The following MED13 variants were observed in gnomAD, a reference collection of about 807,000 sequenced individuals.
MED13 encodes mediator of RNA polymerase II transcription subunit 13.
In MED13, 23 loss-of-function variants were observed where a neutral mutation model predicts 225.2. The ratio of observed to expected loss-of-function variants is 0.10; its 90% confidence interval spans 0.07 to 0.14. The LOEUF (loss-of-function observed/expected upper bound fraction) is 0.14. MED13 is among the 10% of genes least tolerant of loss of function. MED13 has a pLI of 1.00. For missense variants in MED13, 2,197 were observed against 2,594.5 expected (o/e 0.85, Z 3.33); for synonymous variants, 942 against 889.2 (o/e 1.06, Z -1.06).
chr17:61,955,895 A>G, intron 24 of MED13, 57 bp from the exon 25 acceptor site: 1 of 1,444,438 alleles, frequency 6.9e-7, no homozygotes, highest in Admixed American at 2.9e-5. Flanking sequence ...AAGTAACAGC[A>G]TTATTAATAT....
At chr17:62,033,444 T>A (rs137929335) in intron 5 of MED13, among the ~76,000 whole-genome samples, 1 of 152,316 alleles carries the variant, frequency 6.6e-6, no homozygotes, top group Admixed American at 6.5e-5. Flanking sequence ...TTTAACTAGC[T>A]TTGTCTAATG....
rs187854356 is a variant in MED13, at chr17:61,983,211, T to C, written c.2889-97A>G. The C allele has an allele frequency of 6.8e-5, 68 of 1,002,324 alleles. No homozygotes were observed. In the East Asian group the frequency reaches 1.4e-3, roughly 21 times the overall value. 62.1% of individuals were successfully genotyped at this position (1,002,324 alleles called of 1,614,324 possible). On this transcript the variant is annotated intron_variant, in intron 15 of 29. Transcript: ENST00000397786. ...AAAAACGTCCCAAATGTTTTTCAAT[T>C]ACATAGAAAATTATGAAAGGACAAG...
At position 61,955,842 on chromosome 17, in the gene MED13, T is replaced by A. The variant is rs1603390918; in HGVS notation, c.5624-4A>T. 4 of 1,436,148 alleles carry A rather than the reference T, an allele frequency of 2.8e-6. No homozygotes were observed. The highest frequency in any genetic ancestry group is 3.7e-6 in the Non-Finnish European group (4 of 1,091,626). 89.0% of individuals were successfully genotyped at this position (1,436,148 alleles called of 1,614,324 possible). On this transcript the variant is annotated splice_region_variant and splice_polypyrimidine_tract_variant and intron_variant, in intron 24 of 29. Coordinates refer to ENST00000397786, the MANE Select transcript of MED13 (RefSeq NM_005121.3). ...CGACTCAGCAAACAGCTCCAATCTG[T>A]GGGTATCAACAGTAAAAAAAAAAAA...
At position 61,965,167 on chromosome 17, in the gene MED13, A is replaced by C; in HGVS notation, c.4683T>G (p.Phe1561Leu). The change falls in exon 20 of 30, where the codon TTT becomes TTG. Residue 1561 changes from phenylalanine to leucine, a missense_variant. Coordinates refer to ENST00000397786, the MANE Select transcript of MED13 (RefSeq NM_005121.3). ...SSNKLPSFPPFGSMNSNAAGS... is the reference protein window; with the variant it reads ...SSNKLPSFPPLGSMNSNAAGS... ...CTGCAGCATTACTGTTCATACTGCC[A>C]AAGGGTGGAAACGAAGGTAGTTTAT... 1 of 1,614,172 alleles carries C rather than the reference A, an allele frequency of 6.2e-7. No individual in the cohort carries two copies. Among genetic ancestry groups the C allele is most frequent in the Non-Finnish European group, 8.5e-7 (1 of 1,180,024 alleles).
At chr17:61,989,243 C>T (rs1427354869) in intron 11 of MED13, among the ~76,000 whole-genome samples, 1 of 152,110 alleles carries the variant, frequency 6.6e-6, no homozygotes, top group Non-Finnish European at 1.5e-5. Flanking sequence ...ATCTCCTGAC[C>T]TCATGATCCA....
intron 3 of MED13, among the ~76,000 whole-genome samples, chr17:62,052,286 T>C (rs1316118685): frequency 1.3e-5 from 2 of 151,796 alleles, no homozygotes; most frequent in Admixed American, 1.3e-4. Context: ...AAGTCTATCA[T>C]CACAAATCAA....
At chr17:61,964,967 T>G in intron 20 of MED13, 39 bp downstream of exon 20, 6 of 1,557,858 alleles carry the variant, frequency 3.9e-6, no homozygotes, top group Non-Finnish European at 5.2e-6. Context: ...AGCATCATAG[T>G]TTTTATATTT....
chr17:61,963,253 T>C (rs917325204), intron 20 of MED13, among the ~76,000 whole-genome samples: 2 of 107,784 alleles, frequency 1.9e-5, no homozygotes, highest in Admixed American at 1.6e-4. Context: ...AAAAAATTCT[T>C]AAAACCATAG....
chr17:62,002,806 G>T (rs1366831297), intron 9 of MED13, among the ~76,000 whole-genome samples: 1 of 152,196 alleles, frequency 6.6e-6, no homozygotes, highest in African/African-American at 2.4e-5. Flanking sequence ...CCCCAATGAA[G>T]TCAATCAGTA....
intron 3 of MED13, among the ~76,000 whole-genome samples, chr17:62,045,706 C>T (rs1422432661): frequency 6.6e-6 from 1 of 152,154 alleles, no homozygotes; most frequent in African/African-American, 2.4e-5. Flanking sequence ...ATCCAGTCCC[C>T]AGCAATGTAG....
In MED13 at chr17:61,943,430, C is replaced by T. The variant is rs536823470; in HGVS notation, c.*3038G>A. ...AGATCTGCAAATCTTTGTAGTAACA[C>T]ATTAAGTTAAAAAATTACCTCAGAA... On this transcript the variant is annotated 3_prime_UTR_variant, in exon 30 of 30. Transcript: ENST00000397786. 6 of 152,606 alleles carry T rather than the reference C, an allele frequency of 3.9e-5. No homozygotes were observed. In the East Asian group the frequency reaches 9.6e-4, roughly 25 times the overall value. 9.5% of individuals were successfully genotyped at this position (152,606 alleles called of 1,614,324 possible).
intron 16 of MED13, among the ~76,000 whole-genome samples, chr17:61,975,619 TG>T (rs1482115011): frequency 2.0e-5 from 3 of 152,192 alleles, no homozygotes; most frequent in Non-Finnish European, 4.4e-5. Flanking sequence ...TCAGGGAGGC[TG>T]AGGCACAAGA....
intron 23 of MED13, among the ~76,000 whole-genome samples, chr17:61,958,504 A>C (rs2079969290): frequency 6.6e-6 from 1 of 151,894 alleles, no homozygotes; most frequent in Non-Finnish European, 1.5e-5. Flanking sequence ...ACACCCAGCT[A>C]ATTTTTGTAT....
At chr17:62,043,156 C>CAAAAAAA (rs764530614) in intron 3 of MED13, among the ~76,000 whole-genome samples, 380 of 31,680 alleles carry the variant, frequency 0.012, 1 homozygote, top group Middle Eastern at 0.05. Context: ...ACCCTGTCTC[C>CAAAAAAA]AAAAAAAAAA....
intron 3 of MED13, among the ~76,000 whole-genome samples, chr17:62,043,645 T>C (rs374049005): frequency 6.6e-6 from 1 of 152,266 alleles, no homozygotes; most frequent in African/African-American, 2.4e-5. Flanking sequence ...GTAAATACAA[T>C]AGCCAATACA....
chr17:62,031,644 A>T lies in MED13; in HGVS notation c.815-6T>A, dbSNP rs769385997. On this transcript the variant is annotated splice_polypyrimidine_tract_variant and splice_region_variant and intron_variant, in intron 5 of 29. Coordinates refer to ENST00000397786, the MANE Select transcript of MED13 (RefSeq NM_005121.3). ...GTAGATCATTCGGACACCAGCTGAA[A>T]GGAAAAAAATGGGACAGGAAAACCA... 5 of 1,536,240 alleles carry T rather than the reference A, an allele frequency of 3.3e-6. No homozygotes were observed. Among genetic ancestry groups the T allele is most frequent in the African/African-American group, 1.4e-5 (1 of 72,438 alleles).
chr17:61,996,929 T>C (rs1410871217), intron 9 of MED13, among the ~76,000 whole-genome samples: 1 of 152,152 alleles, frequency 6.6e-6, no homozygotes, highest in Admixed American at 6.5e-5. Flanking sequence ...ATAAATGAAA[T>C]CTAAAAATCA....
At chr17:62,050,958 TTG>T (rs2143754204) in intron 3 of MED13, among the ~76,000 whole-genome samples, 5 of 152,118 alleles carry the variant, frequency 3.3e-5, no homozygotes, top group African/African-American at 4.8e-5. Context: ...TGAGCTGAGA[TTG>T]CACCACTGCA....
chr17:62,035,559 C>G lies in MED13; in HGVS notation c.520G>C (p.Val174Leu), dbSNP rs556276593. The change falls in exon 4 of 30, where the codon GTT (valine) becomes CTT (leucine). Residue 174 changes from valine (V) to leucine (L), a missense_variant. By Grantham distance (32) the Val-to-Leu change is conservative. This residue lies in a region of MED13 where 884 missense variants were observed against 918.5 expected (regional missense o/e 0.96). Transcript: ENST00000397786. ...FTFFLHGDSN[V>L]CTSVEINQHQ... ...TGGTTAATTTCCACACTGGTACAAA[C>G]ATTGCTGTCTCCATGCAAGAAAAAG... is the stretch of plus-strand genomic sequence containing the variant. 2 of 1,613,784 alleles carry G rather than the reference C, an allele frequency of 1.2e-6. No individual in the cohort carries two copies. The highest frequency in any genetic ancestry group is 4.5e-5 in the East Asian group (2 of 44,828).
Sources: gnomAD v4.1 joint callset for allele counts (sites outside exome capture counted in the v4.1 genomes callset) on GRCh38, gnomAD v4.1.1 for gene constraint, gnomAD v4.1.1 regional missense constraint, MANE v1.5 for transcripts, NCBI Gene and HGNC (gene_info 2026-07-23, HGNC 2026-07-21) for gene names.